Variants in STXBP6 observed in about 807,000 individuals in gnomAD.
The protein encoded by STXBP6 is syntaxin binding protein 6, also known as syntaxin-binding protein 6.
STXBP6 carries 21 observed loss-of-function variants against 26.9 expected under a neutral mutation model. That is an observed-to-expected ratio of 0.78 (90% CI 0.55 to 1.12). The LOEUF (loss-of-function observed/expected upper bound fraction) is 1.12. STXBP6 is among the 50% of genes most tolerant of loss of function. The probability of loss-of-function intolerance (pLI) is 0.00; values close to 1 mark genes in which losing one functional copy is unlikely to be tolerated. For missense variants in STXBP6, 232 were observed against 257.9 expected, an observed-to-expected ratio of 0.90 and a Z score of 0.69; for synonymous variants, 97 against 92.6, an observed-to-expected ratio of 1.05 and a Z score of -0.27.
At chr14:24,851,769 C>T (rs570115531) in intron 4 of STXBP6, among the ~76,000 whole-genome samples, 1 of 152,084 alleles carries the variant, frequency 6.6e-6, no homozygotes, top group Non-Finnish European at 1.5e-5. Flanking sequence ...GTGGTCATGT[C>T]ACATTTCAGC....
chr14:25,017,546 T>C (rs943246728), intron 1 of STXBP6, among the ~76,000 whole-genome samples: 3 of 152,194 alleles, frequency 2.0e-5, no homozygotes, highest in African/African-American at 7.2e-5. Flanking sequence ...AGATAAAAGC[T>C]TGACAGTATA....
intron 2 of STXBP6, among the ~76,000 whole-genome samples, chr14:24,964,490 G>A (rs1369977769): frequency 6.6e-6 from 1 of 152,102 alleles, no homozygotes; most frequent in Non-Finnish European, 1.5e-5. Flanking sequence ...CTCCCTCCCT[G>A]TCTCTTCTTC....
chr14:24,886,193 C>A (rs192632914), intron 2 of STXBP6, among the ~76,000 whole-genome samples: 283 of 152,246 alleles, frequency 1.9e-3, no homozygotes, highest in Non-Finnish European at 3.5e-3. Flanking sequence ...GAAACATTAG[C>A]TATTTCTGAT....
chr14:24,831,901 G>A (rs1214178217), intron 4 of STXBP6, among the ~76,000 whole-genome samples: 1 of 152,168 alleles, frequency 6.6e-6, no homozygotes, highest in Admixed American at 6.5e-5. Flanking sequence ...TCAAAGGGGC[G>A]AATGAAGGAT....
intron 1 of STXBP6, among the ~76,000 whole-genome samples, chr14:24,982,925 A>C (rs2074235768): frequency 6.6e-6 from 1 of 152,234 alleles, no homozygotes; most frequent in South Asian, 2.1e-4. Flanking sequence ...GCTACATAGG[A>C]TATGTCATTT....
chr14:24,976,370 T>C (rs1189371784), intron 1 of STXBP6, among the ~76,000 whole-genome samples: 1 of 152,232 alleles, frequency 6.6e-6, no homozygotes, highest in Non-Finnish European at 1.5e-5. Flanking sequence ...TTTTATTCTG[T>C]AATAGGGCAG....
Position 24,921,296 on chromosome 14 carries a change from T to C in STXBP6, c.154+53369A>G, listed in dbSNP as rs373499010. Among the ~76,000 whole-genome samples the C allele has an allele frequency of 8.5e-5, 13 of 152,254 alleles. No homozygotes were observed. In the South Asian group the frequency reaches 2.7e-3, roughly 32 times the overall value. On this transcript the variant is annotated intron_variant, in intron 2 of 5. Transcript: ENST00000323944. ...CAACACAAACCTGGTATAAGCTATA[T>C]AATCCCAGCTTCAACCAGGCATCTA...
intron 2 of STXBP6, among the ~76,000 whole-genome samples, chr14:24,934,598 C>T (rs931398410): frequency 6.6e-5 from 10 of 152,170 alleles, no homozygotes; most frequent in South Asian, 2.1e-4. Flanking sequence ...GGAGAGGCCA[C>T]GGTTAACGGA....
intron 2 of STXBP6, among the ~76,000 whole-genome samples, chr14:24,864,249 A>G (rs115986057): frequency 9.2e-5 from 14 of 152,326 alleles, no homozygotes; most frequent in African/African-American, 2.9e-4. Context: ...AAGGCTGAAA[A>G]TAAAAACTTG....
At chr14:25,043,673 C>T (rs2075677883) in intron 1 of STXBP6, among the ~76,000 whole-genome samples, 1 of 152,228 alleles carries the variant, frequency 6.6e-6, no homozygotes, top group Admixed American at 6.5e-5. Context: ...CTATTGCGTA[C>T]ACTTCATAAT....
intron 1 of STXBP6, among the ~76,000 whole-genome samples, chr14:25,014,541 C>T (rs974695474): frequency 1.3e-5 from 2 of 152,218 alleles, no homozygotes; most frequent in Non-Finnish European, 2.9e-5. Context: ...GACTTCTCCA[C>T]CTATACTGTG....
At chr14:24,828,397 A>T (rs2068352030) in intron 4 of STXBP6, among the ~76,000 whole-genome samples, 1 of 152,218 alleles carries the variant, frequency 6.6e-6, no homozygotes, top group Non-Finnish European at 1.5e-5. Flanking sequence ...AAAACAAGAG[A>T]GTTAACATAA....
At chr14:24,936,422 G>C (rs140096421) in intron 2 of STXBP6, among the ~76,000 whole-genome samples, 2 of 152,158 alleles carry the variant, frequency 1.3e-5, no homozygotes, top group Non-Finnish European at 2.9e-5. Flanking sequence ...GAAAGGAGGA[G>C]AAATGGAAAA....
chr14:24,828,092 C>G (rs1020969417), intron 4 of STXBP6, among the ~76,000 whole-genome samples: 2 of 151,072 alleles, frequency 1.3e-5, no homozygotes, highest in African/African-American at 4.9e-5. Context: ...ATTTAGGTGT[C>G]TAGCAATATT....
chr14:24,856,049 G>A lies in STXBP6; in HGVS notation c.338C>T (p.Ala113Val). 6.2e-7 allele frequency: 1 copy of A among 1,610,114 alleles called. No individual in the cohort carries two copies. The highest frequency in any genetic ancestry group is 8.5e-7 in the Non-Finnish European group (1 of 1,178,090). Residue 113 changes from alanine to valine, a missense_variant, in exon 4 of 6, where the codon GCC becomes GTC. Ala to Val is a moderately conservative substitution (Grantham distance 64). Transcript: ENST00000323944. ...LFENAFDQWV[A>V]STASEKCTFF... ...GGTGCATTTTTCTGACGCTGTGCTG[G>A]CTACCCACTGGTCAAAAGCATTTTC...
intron 2 of STXBP6, chr14:24,878,713 A>G (rs779872721): frequency 2.6e-6 from 1 of 389,494 alleles, no homozygotes; most frequent in East Asian, 7.7e-5. Flanking sequence ...TTCTTAGCAG[A>G]CACGCTGGGA....
intron 2 of STXBP6, among the ~76,000 whole-genome samples, chr14:24,964,364 A>G (rs1244568407): frequency 2.0e-5 from 3 of 152,156 alleles, no homozygotes; most frequent in Non-Finnish European, 4.4e-5. Context: ...TCTCTATGGT[A>G]TTGGACAGCT....
At chr14:24,909,535 C>T (rs570962716) in intron 2 of STXBP6, among the ~76,000 whole-genome samples, 1 of 152,102 alleles carries the variant, frequency 6.6e-6, no homozygotes, top group East Asian at 2.0e-4. Flanking sequence ...AATCCCAGCA[C>T]TGTAGGAAGG....
chr14:24,922,449 T>C (rs2072014719), intron 2 of STXBP6, among the ~76,000 whole-genome samples: 2 of 152,148 alleles, frequency 1.3e-5, no homozygotes. Flanking sequence ...TTTTTAAAAA[T>C]GCAGAGCCCA....
Sources: allele counts gnomAD v4.1 joint callset (sites outside exome capture counted in the v4.1 genomes callset), GRCh38; gene constraint gnomAD v4.1.1; transcripts MANE v1.5; gene names NCBI Gene and HGNC (gene_info 2026-07-23, HGNC 2026-07-21).